Variants in ARMC9 observed in about 807,000 individuals in gnomAD.
ARMC9 encodes the protein armadillo repeat containing 9.
ARMC9 carries 94 observed loss-of-function variants against 107.0 expected under a neutral mutation model. The ratio of observed to expected loss-of-function variants is 0.88; its 90% confidence interval spans 0.74 to 1.04. The LOEUF is 1.04. Among genes scored for constraint, ARMC9 ranks in the 50% least tolerant of loss-of-function variants. The pLI, the probability that ARMC9 is intolerant of heterozygous loss-of-function variation, is 0.00. For synonymous variants in ARMC9, 380 were observed against 396.9 expected (o/e 0.96, Z 0.51); for missense variants, 942 against 1,030.1 (o/e 0.91, Z 1.17).
intron 19 of ARMC9, among the ~76,000 whole-genome samples, chr2:231,301,011 T>C (rs753017313): frequency 9.2e-5 from 14 of 152,112 alleles, no homozygotes; most frequent in Non-Finnish European, 1.6e-4. Flanking sequence ...AAGAAACCCA[T>C]GTTAGTGATC....
intron 3 of ARMC9, among the ~76,000 whole-genome samples, chr2:231,214,315 A>G (rs2033245189): frequency 6.6e-6 from 1 of 152,144 alleles, no homozygotes; most frequent in South Asian, 2.1e-4. Context: ...GCTTCTAGCA[A>G]TGGGGCAAGT....
rs1423396619 is a variant in ARMC9 at position 231,206,191 on chromosome 2, C to G, written c.-41-7C>G. On this transcript the variant is annotated splice_polypyrimidine_tract_variant and splice_region_variant and intron_variant, in intron 1 of 24. Coordinates refer to ENST00000611582, the MANE Select transcript of ARMC9 (RefSeq NM_001352754.2). ...GAAAGCTGTTGTCTTGTATTTTTGC[C>G]TTCTAGAGATTTTTGCTGTGAGAAT... is the stretch of plus-strand genomic sequence containing the variant. The G allele has an allele frequency of 1.3e-6, 2 of 1,547,460 alleles. No homozygotes were observed. The highest frequency in any genetic ancestry group is 4.5e-5 in the East Asian group (2 of 44,526).
chr2:231,340,754 G>A (rs1270822859), intron 20 of ARMC9, among the ~76,000 whole-genome samples: 1 of 152,090 alleles, frequency 6.6e-6, no homozygotes, highest in East Asian at 1.9e-4. Context: ...CAGGCATGGT[G>A]GCACATGCCT....
At chr2:231,306,124 G>T (rs1206871549) in intron 19 of ARMC9, among the ~76,000 whole-genome samples, 2 of 152,064 alleles carry the variant, frequency 1.3e-5, no homozygotes. Flanking sequence ...TTTTTTACTG[G>T]CAGTTTCATC....
At chr2:231,323,288 C>G (rs1298426633) in intron 19 of ARMC9, among the ~76,000 whole-genome samples, 1 of 152,164 alleles carries the variant, frequency 6.6e-6, no homozygotes, top group Non-Finnish European at 1.5e-5. Context: ...TTGGCCTCAC[C>G]TCTGGGTTTG....
chr2:231,318,287 G>C (rs976295588), intron 19 of ARMC9, among the ~76,000 whole-genome samples: 1 of 151,994 alleles, frequency 6.6e-6, no homozygotes, highest in Non-Finnish European at 1.5e-5. Flanking sequence ...ACTGTTGATT[G>C]GGATGGAAAT....
rs531001165 is a variant in ARMC9 at position 231,246,856 on chromosome 2, C to T, written c.879+6815C>T. Among the ~76,000 whole-genome samples the T allele has an allele frequency of 4.6e-5, 7 of 152,162 alleles. No individual in the cohort carries two copies. The East Asian group carries it at 1.2e-3, about 25-fold the overall frequency. ...TTTTTGAGACAAGGCCTTGCTTTGT[C>T]GCCCAGGCTCACTGCAGCTTCGACC... is the stretch of plus-strand genomic sequence containing the variant. On this transcript the variant is annotated intron_variant, in intron 9 of 24. Transcript: ENST00000611582.
At chr2:231,285,068 C>T (rs1367894953) in intron 17 of ARMC9, among the ~76,000 whole-genome samples, 3 of 151,586 alleles carry the variant, frequency 2.0e-5, no homozygotes, top group Non-Finnish European at 2.9e-5. Context: ...TGTGGTGGCA[C>T]GTGCCTGTAA....
intron 19 of ARMC9, among the ~76,000 whole-genome samples, chr2:231,314,723 T>A (rs564633021): frequency 6.6e-6 from 1 of 152,248 alleles, no homozygotes; most frequent in Non-Finnish European, 1.5e-5. Flanking sequence ...TTGGAAACCA[T>A]TGGCCTAGGC....
At chr2:231,270,756 G>GTT (rs1261684113) in intron 12 of ARMC9, 2 of 663,822 alleles carry the variant, frequency 3.0e-6, no homozygotes, top group Non-Finnish European at 5.7e-6. Context: ...AGGGCTTCGT[G>GTT]TAATTAATTC....
intron 12 of ARMC9, among the ~76,000 whole-genome samples, chr2:231,263,260 C>CA (rs2038545695): frequency 1.3e-5 from 2 of 152,198 alleles, no homozygotes; most frequent in Non-Finnish European, 2.9e-5. Context: ...ACCGATTAAA[C>CA]AGCTGTCTTA....
At chr2:231,314,826 T>G (rs907763688) in intron 19 of ARMC9, among the ~76,000 whole-genome samples, 4 of 152,246 alleles carry the variant, frequency 2.6e-5, no homozygotes, top group Non-Finnish European at 4.4e-5. Flanking sequence ...TAGTTAATTT[T>G]TGTGTGTGAT....
intron 19 of ARMC9, among the ~76,000 whole-genome samples, chr2:231,312,125 C>G (rs1482375753): frequency 6.6e-6 from 1 of 152,200 alleles, no homozygotes. Flanking sequence ...TTGGCAGGTC[C>G]TCTGCTGGTT....
chr2:231,364,091 C>T (rs2045708958), intron 23 of ARMC9, among the ~76,000 whole-genome samples: 1 of 152,170 alleles, frequency 6.6e-6, no homozygotes, highest in African/African-American at 2.4e-5. Flanking sequence ...AAGTGCATCC[C>T]AAGAAGTATG....
At chr2:231,322,865 G>C (rs1282784346) in intron 19 of ARMC9, among the ~76,000 whole-genome samples, 1 of 152,180 alleles carries the variant, frequency 6.6e-6, no homozygotes, top group African/African-American at 2.4e-5. Context: ...TTATTCTTGA[G>C]TATTTCTTTA....
chr2:231,350,946 C>CTTCTTTTTTTTT (rs2045043449), intron 21 of ARMC9, among the ~76,000 whole-genome samples: 1 of 50,600 alleles, frequency 2.0e-5, no homozygotes, highest in African/African-American at 9.9e-5. Flanking sequence ...AGTGACAATT[C>CTTCTTTTTTTTT]TTTTTTTTTT....
intron 20 of ARMC9, among the ~76,000 whole-genome samples, chr2:231,333,027 G>A (rs2043848446): frequency 1.3e-5 from 2 of 152,172 alleles, no homozygotes; most frequent in Non-Finnish European, 2.9e-5. Flanking sequence ...GGGAGCAGGT[G>A]GAAGCAGAAA....
intron 1 of ARMC9, among the ~76,000 whole-genome samples, chr2:231,203,697 T>C (rs944008055): frequency 1.3e-5 from 2 of 151,966 alleles, no homozygotes; most frequent in Non-Finnish European, 2.9e-5. Context: ...TGGTGGCTCA[T>C]GCCTGTAATC....
rs955898859 is a variant in ARMC9 at position 231,358,940 on chromosome 2, A to G, written c.2132-1814A>G. 3.4e-4 allele frequency among the ~76,000 whole-genome samples: 51 copies of G among 152,164 alleles called. No individual in the cohort carries two copies. Among genetic ancestry groups the G allele is most frequent in the African/African-American group, 1.2e-3 (49 of 41,428 alleles). ...TCAAAATCACATGCCTTGGGACTTC[A>G]TAGCCCTGGGAGTTAAAATGCCCAG... On this transcript the variant is annotated intron_variant, in intron 22 of 24. Coordinates refer to ENST00000611582, the MANE Select transcript of ARMC9 (RefSeq NM_001352754.2). The surrounding 1 kb of genome is among the most constrained non-coding windows in gnomAD (Gnocchi z 4.5).
Sources: gnomAD v4.1 joint callset for allele counts (sites outside exome capture counted in the v4.1 genomes callset) on GRCh38, gnomAD v4.1.1 for gene constraint, Gnocchi (gnomAD v3.1) non-coding constraint, MANE v1.5 for transcripts, NCBI Gene and HGNC (gene_info 2026-07-23, HGNC 2026-07-21) for gene names.